UBE2K: variants seen among roughly 807,000 people sequenced by gnomAD.
UBE2K encodes ubiquitin conjugating enzyme E2 K.
A neutral mutation model predicts 30.0 loss-of-function variants in UBE2K; 6 were observed. The ratio of observed to expected loss-of-function variants is 0.20; its 90% confidence interval spans 0.11 to 0.39. UBE2K has a LOEUF of 0.39. Among genes scored for constraint, UBE2K ranks in the 10% least tolerant of loss-of-function variants. The pLI, the probability that UBE2K is intolerant of heterozygous loss-of-function variation, is 1.00. For synonymous variants in UBE2K, 86 were observed against 83.7 expected (o/e 1.03, Z -0.15); for missense variants, 61 against 241.6 (o/e 0.25, Z 4.96).
chr4:39,769,678 C>G (rs1353252160), intron 4 of UBE2K, among the ~76,000 whole-genome samples: 2 of 144,146 alleles, frequency 1.4e-5, no homozygotes, highest in Non-Finnish European at 3.1e-5. Context: ...CTGTTCCCAC[C>G]CACCCCCCCA....
chr4:39,769,097 A>G (rs1458880796), intron 4 of UBE2K, among the ~76,000 whole-genome samples: 1 of 151,790 alleles, frequency 6.6e-6, no homozygotes, highest in Non-Finnish European at 1.5e-5. Flanking sequence ...CTTCCAAAGT[A>G]TTGGGATTAC....
chr4:39,746,183 A>T (rs1368427056), intron 3 of UBE2K, among the ~76,000 whole-genome samples: 2 of 152,124 alleles, frequency 1.3e-5, no homozygotes, highest in Non-Finnish European at 2.9e-5. Flanking sequence ...TTCTACATTC[A>T]GTCATTATTT....
intron 2 of UBE2K, 82 bp downstream of exon 2, chr4:39,737,595 A>G (rs1720446838): frequency 3.4e-6 from 3 of 881,436 alleles, no homozygotes; most frequent in Non-Finnish European, 5.1e-6. Flanking sequence ...TTAAACATCT[A>G]TAAATTATAT....
intron 1 of UBE2K, among the ~76,000 whole-genome samples, chr4:39,720,246 A>G (rs1211757451): frequency 6.6e-6 from 1 of 152,180 alleles, no homozygotes; most frequent in African/African-American, 2.4e-5. Flanking sequence ...AAGTGTTAAT[A>G]ATGTAGTCAG....
chr4:39,719,515 A>G (rs1255207466), intron 1 of UBE2K, among the ~76,000 whole-genome samples: 1 of 152,198 alleles, frequency 6.6e-6, no homozygotes, highest in Non-Finnish European at 1.5e-5. Context: ...AGCTGCTGCT[A>G]AAAGTGCTCT....
At chr4:39,778,097 C>CAAA (rs36215155) in intron 6 of UBE2K, among the ~76,000 whole-genome samples, 5 of 51,736 alleles carry the variant, frequency 9.7e-5, no homozygotes, top group Non-Finnish European at 1.3e-4. Flanking sequence ...GACCCTGTCT[C>CAAA]AAAAAAAAAA....
At chr4:39,710,058 A>G (rs1292227512) in intron 1 of UBE2K, 1 of 151,956 alleles carries the variant, frequency 6.6e-6, no homozygotes, top group African/African-American at 2.4e-5. Context: ...TTCATTGAAC[A>G]TGCTTTTTTA....
chr4:39,713,597 T>G (rs1718840352), intron 1 of UBE2K, among the ~76,000 whole-genome samples: 1 of 152,054 alleles, frequency 6.6e-6, no homozygotes, highest in South Asian at 2.1e-4. Context: ...TTTATCATTC[T>G]AACCATTTTA....
At chr4:39,771,344 A>G in intron 4 of UBE2K, 1 of 1,612,728 alleles carries the variant, frequency 6.2e-7, no homozygotes. Flanking sequence ...ACGTCGCAGA[A>G]CCACTCCTCT....
chr4:39,723,496 G>C (rs1315575301), intron 1 of UBE2K, among the ~76,000 whole-genome samples: 1 of 151,264 alleles, frequency 6.6e-6, no homozygotes, highest in Admixed American at 6.6e-5. Context: ...AGCCTCCCGA[G>C]TAGCTGGGAC....
chr4:39,743,004 C>G (rs577917519), intron 2 of UBE2K, among the ~76,000 whole-genome samples: 78 of 151,790 alleles, frequency 5.1e-4, no homozygotes, highest in Non-Finnish European at 1.0e-3. Flanking sequence ...CAAGATTGTG[C>G]CTCTGCACTC....
intron 6 of UBE2K, 115 bp from the exon 7 acceptor site, chr4:39,778,245 A>G: frequency 1.9e-6 from 1 of 528,376 alleles, no homozygotes; most frequent in Non-Finnish European, 3.2e-6. Context: ...GCAAATGTAA[A>G]TCAACTTACA....
intron 4 of UBE2K, among the ~76,000 whole-genome samples, chr4:39,764,213 G>A (rs1033115892): frequency 6.6e-6 from 1 of 152,112 alleles, no homozygotes; most frequent in Non-Finnish European, 1.5e-5. Flanking sequence ...AAATTAGCTG[G>A]GCATGGTGTT....
chr4:39,736,585 C>A (rs302949), intron 1 of UBE2K, among the ~76,000 whole-genome samples: 7 of 152,188 alleles, frequency 4.6e-5, no homozygotes, highest in African/African-American at 7.2e-5. Context: ...CAGGCACTTA[C>A]GAATGTTAAT....
chr4:39,771,297 G>A (rs1712810260), intron 4 of UBE2K: 1 of 1,612,006 alleles, frequency 6.2e-7, no homozygotes. Context: ...AGATGACCTT[G>A]TGGCCTCGAA....
chr4:39,766,759 CT>C lies in UBE2K; in HGVS notation c.300-8068del, dbSNP rs199857490. On this transcript the variant is annotated intron_variant, in intron 4 of 6. Coordinates refer to ENST00000261427, the MANE Select transcript of UBE2K (RefSeq NM_005339.5). ...CTAATTTTTATTATTTTCTTTCTTT[CT>C]TTTTTTCGAGACAGAGTCTCGCTCT... Among the ~76,000 whole-genome samples the C allele has an allele frequency of 8.4e-4, 127 of 151,928 alleles. 1 individual carries two copies. The highest frequency in any genetic ancestry group is 2.9e-3 in the African/African-American group (119 of 41,470).
chr4:39,699,843 G>C (rs1402616043), intron 1 of UBE2K, among the ~76,000 whole-genome samples: 1 of 152,118 alleles, frequency 6.6e-6, no homozygotes, highest in Admixed American at 6.5e-5. Context: ...TATGAACTCT[G>C]ACCTCTATGT....
chr4:39,731,827 C>T (rs1720089699), intron 1 of UBE2K, among the ~76,000 whole-genome samples: 1 of 152,106 alleles, frequency 6.6e-6, no homozygotes. Context: ...AACTAAATTT[C>T]ACTTTTACAT....
rs577429649 is a variant in UBE2K, at chr4:39,734,660, A to C, written c.64-2760A>C. On this transcript the variant is annotated intron_variant, in intron 1 of 6. Transcript: ENST00000261427. ...ACCCCCTCTCTACTAAAAATTTAAA[A>C]CTTTAGCCAGGCATGGTGGTGCACA... is the stretch of plus-strand genomic sequence containing the variant. Among the ~76,000 whole-genome samples, 6 of 152,058 alleles carry C rather than the reference A, an allele frequency of 3.9e-5. No individual in the cohort carries two copies. The South Asian group carries it at 1.2e-3, about 32-fold the overall frequency.
Sources: allele counts gnomAD v4.1 joint callset (sites outside exome capture counted in the v4.1 genomes callset), GRCh38; gene constraint gnomAD v4.1.1; transcripts MANE v1.5; gene names NCBI Gene and HGNC (gene_info 2026-07-23, HGNC 2026-07-21).